Variants in STAC3 observed in about 807,000 individuals in gnomAD.
The protein encoded by STAC3 is SH3 and cysteine-rich domain-containing protein 3.
STAC3 carries 30 observed loss-of-function variants against 48.5 expected under a neutral mutation model. That is an observed-to-expected ratio of 0.62 (90% CI 0.46 to 0.84). STAC3 has a LOEUF of 0.84. Among genes scored for constraint, STAC3 ranks in the 40% least tolerant of loss-of-function variants. The pLI, the probability that STAC3 is intolerant of heterozygous loss-of-function variation, is 0.00. For missense variants in STAC3, 419 were observed against 462.6 expected (o/e 0.91, Z 0.86); for synonymous variants, 144 against 158.6 (o/e 0.91, Z 0.69).
At chr12:57,246,469 G>A (rs868585680) in intron 6 of STAC3, among the ~76,000 whole-genome samples, 5 of 149,744 alleles carry the variant, frequency 3.3e-5, no homozygotes, top group South Asian at 2.1e-4. Flanking sequence ...TCTGCCTCCC[G>A]GGTTCAAGCG....
rs377641259 is a variant in STAC3, at chr12:57,244,883, A to T, written c.720+33T>A. ...GTGTCAGAGCTGGGTTGGGGAGAGAACTGGGTTCCTTGCAGGGAGGAAGGA... is the reference window on the plus strand; with the variant it reads ...GTGTCAGAGCTGGGTTGGGGAGAGATCTGGGTTCCTTGCAGGGAGGAAGGA... On this transcript the variant is annotated intron_variant, in intron 8 of 11. Coordinates refer to ENST00000332782, the MANE Select transcript of STAC3 (RefSeq NM_145064.3). 4.3e-5 allele frequency: 69 copies of T among 1,613,346 alleles called. No individual in the cohort carries two copies. In the African/African-American group the frequency reaches 8.5e-4, roughly 20 times the overall value.
Position 57,243,486 on chromosome 12 carries a change from G to T in STAC3, c.*326C>A, listed in dbSNP as rs922813788. ...GTTTTGTCAAAAGTTTAATAAATTCGCAACATTCGACAGTTCGCCCTCCCT... is the reference window on the plus strand; with the variant it reads ...GTTTTGTCAAAAGTTTAATAAATTCTCAACATTCGACAGTTCGCCCTCCCT... On this transcript the variant is annotated 3_prime_UTR_variant, in exon 12 of 12. Coordinates refer to ENST00000332782, the MANE Select transcript of STAC3 (RefSeq NM_145064.3). 5.4e-6 allele frequency: 3 copies of T among 559,540 alleles called. No individual in the cohort carries two copies. Among genetic ancestry groups the T allele is most frequent in the African/African-American group, 3.8e-5 (2 of 52,308 alleles). 34.7% of individuals were successfully genotyped at this position (559,540 alleles called of 1,614,324 possible).
chr12:57,245,344 A>T (rs1486178930), intron 6 of STAC3, 133 bp from the exon 7 acceptor site: 1 of 780,520 alleles, frequency 1.3e-6, no homozygotes, highest in African/African-American at 1.8e-5. Flanking sequence ...TGGAGGAAAT[A>T]TCTAGTTCAG....
intron 5 of STAC3, among the ~76,000 whole-genome samples, chr12:57,247,596 G>A (rs1358811614): frequency 6.6e-6 from 1 of 151,704 alleles, no homozygotes; most frequent in East Asian, 1.9e-4. Context: ...CACCACGCCC[G>A]GCTAATTTTT....
chr12:57,246,798 G>A lies in STAC3; in HGVS notation c.603+6C>T, dbSNP rs748731428. 1.9e-6 allele frequency: 3 copies of A among 1,612,860 alleles called. No individual in the cohort carries two copies. Among genetic ancestry groups the A allele is most frequent in the Non-Finnish European group, 2.5e-6 (3 of 1,178,908 alleles). ...GAGGGACCTCGTGGGGAGGTACAGT[G>A]CTCACATTTTTCTTATCTGCCTGTC... On this transcript the variant is annotated splice_donor_region_variant and intron_variant, in intron 6 of 11. Coordinates refer to ENST00000332782, the MANE Select transcript of STAC3 (RefSeq NM_145064.3).
rs759719876 is a variant in STAC3 at position 57,243,883 on chromosome 12, C to A, written c.1024G>T (p.Gly342Cys). The change falls in exon 12 of 12, where the codon GGC becomes TGC. Residue 342 changes from glycine (G) to cysteine (C), a missense_variant. By Grantham distance (159) the Gly-to-Cys change is radical. Coordinates refer to ENST00000332782, the MANE Select transcript of STAC3 (RefSeq NM_145064.3). The part of the protein sequence containing the change: ...QIVVQKGDEA[G>C]GYVKVYTGRK... ...CCGGTGTAGACCTTGACGTAGCCGC[C>A]CGCTTCGTCTCCTTTCTGCACCACG... 4 of 1,613,922 alleles carry A rather than the reference C, an allele frequency of 2.5e-6. No homozygotes were observed. The South Asian group carries it at 3.3e-5, about 13-fold the overall frequency.
In STAC3 at chr12:57,243,904, C is replaced by A. The variant is rs1043387265; in HGVS notation, c.1003G>T (p.Val335Leu). 6.2e-7 allele frequency: 1 copy of A among 1,613,848 alleles called. No individual in the cohort carries two copies. The highest frequency in any genetic ancestry group is 8.5e-7 in the Non-Finnish European group (1 of 1,179,934). ...CCGCCCGCTTCGTCTCCTTTCTGCACCACGATCTAGAAGATTAAAGGATCA... is the reference window on the plus strand; with the variant it reads ...CCGCCCGCTTCGTCTCCTTTCTGCAACACGATCTAGAAGATTAAAGGATCA... ...QITLKKDQIV[V>L]QKGDEAGGYV... is the part of the protein sequence containing the mutation. The change falls in exon 12 of 12, where the codon GTG becomes TTG. Residue 335 changes from valine (V) to leucine (L), a missense_variant. By Grantham distance (32) the Val-to-Leu change is conservative. Transcript: ENST00000332782.
intron 4 of STAC3, 42 bp downstream of exon 4, chr12:57,248,664 C>T (rs1384965649): frequency 5.9e-6 from 9 of 1,515,660 alleles, no homozygotes; most frequent in Middle Eastern, 1.7e-4. Flanking sequence ...TGAGCCACCA[C>T]GCGTGGCCAT....
intron 5 of STAC3, among the ~76,000 whole-genome samples, chr12:57,247,415 TATTATTATTA>T (rs1206618021): frequency 1.2e-4 from 4 of 34,626 alleles, no homozygotes; most frequent in East Asian, 5.5e-4. Context: ...TTATTATTAT[TATTATTATTA>T]TTATTTTTTT....
chr12:57,245,107 T>A (rs2037703069), intron 7 of STAC3, 38 bp downstream of exon 7: 1 of 1,611,340 alleles, frequency 6.2e-7, no homozygotes, highest in African/African-American at 1.3e-5. Context: ...GAGCCTCTGA[T>A]CCTACTCCAT....
intron 2 of STAC3, 128 bp from the exon 3 acceptor site, chr12:57,249,436 G>T: frequency 6.7e-7 from 1 of 1,483,884 alleles, no homozygotes; most frequent in Non-Finnish European, 9.1e-7. Flanking sequence ...GATTAGGGGG[G>T]TATTGGTATT....
At chr12:57,248,059 A>G in intron 5 of STAC3, 67 bp downstream of exon 5, 4 of 1,420,166 alleles carry the variant, frequency 2.8e-6, no homozygotes, top group Non-Finnish European at 4.0e-6. Context: ...TGGCTCCCAA[A>G]GCTAGAGATG....
intron 5 of STAC3, 83 bp downstream of exon 5, chr12:57,248,043 A>C: frequency 8.0e-7 from 1 of 1,251,022 alleles, no homozygotes; most frequent in East Asian, 2.3e-5. Context: ...TTTCTGTTTC[A>C]GAATTTGGCT....
rs745713769 is a variant in STAC3, at chr12:57,244,702, A to C, written c.721-80T>G. 422 of 1,529,094 alleles carry C rather than the reference A, an allele frequency of 2.8e-4. 3 individuals are homozygous for C. Among genetic ancestry groups the C allele is most frequent in the East Asian group, 2.3e-4 (10 of 44,402 alleles). 94.7% of individuals were successfully genotyped at this position (1,529,094 alleles called of 1,614,324 possible). On this transcript the variant is annotated intron_variant, in intron 8 of 11. Transcript: ENST00000332782. The stretch of plus-strand genomic sequence containing the variant: ...GCAGGATTCCAAGGCAGGGACATTC[A>C]CCACACACTCTACACTCCAACTCTC...
rs1235731703 is a variant in STAC3, at chr12:57,249,248, G to A, written c.127C>T (p.Pro43Ser). The A allele has an allele frequency of 1.9e-6, 3 of 1,613,846 alleles. No homozygotes were observed. The East Asian group carries it at 6.7e-5, about 36-fold the overall frequency. The part of the protein sequence containing the change: ...GSTGTKEMEL[P>S]PEPQANGEAV... ...TCCCCATTGGCCTGGGGCTCTGGGG[G>A]AAGTTCCATCTCCTTTGTCCCTGTA... Residue 43 changes from proline to serine, a missense_variant, in exon 3 of 12, where the codon CCC (proline) becomes TCC (serine). Pro to Ser is a moderately conservative substitution (Grantham distance 74). Transcript: ENST00000332782.
At chr12:57,249,695 C>G in intron 1 of STAC3, 58 bp from the exon 2 acceptor site, 2 of 1,590,910 alleles carry the variant, frequency 1.3e-6, no homozygotes, top group Non-Finnish European at 1.7e-6. Context: ...CTCTCCCTTT[C>G]TGTCCCTTGC....
chr12:57,244,066 T>C, intron 11 of STAC3, 22 bp downstream of exon 11: 3 of 1,613,984 alleles, frequency 1.9e-6, no homozygotes, highest in Admixed American at 1.7e-5. Context: ...AGGCCTGGGA[T>C]TGGGTTGGGG....
intron 4 of STAC3, among the ~76,000 whole-genome samples, 182 bp downstream of exon 4, chr12:57,248,524 A>G (rs971883692): frequency 1.3e-5 from 2 of 151,884 alleles, no homozygotes; most frequent in Admixed American, 6.6e-5. Context: ...GACTACAGGC[A>G]CCTGTCACCA....
intron 4 of STAC3, 24 bp from the exon 5 acceptor site, chr12:57,248,222 C>A: frequency 6.3e-7 from 1 of 1,594,460 alleles, no homozygotes; most frequent in East Asian, 2.2e-5. Context: ...TGAGAGGAAG[C>A]ATTAGAGGTA....
Sources: allele counts gnomAD v4.1 joint callset (sites outside exome capture counted in the v4.1 genomes callset), GRCh38; gene constraint gnomAD v4.1.1; transcripts MANE v1.5; gene names NCBI Gene and HGNC (gene_info 2026-07-23, HGNC 2026-07-21).